SANBR: variants seen among roughly 807,000 people sequenced by gnomAD.
SANBR encodes SANT and BTB domain regulator of class switch recombination.
In SANBR, 77 loss-of-function variants were observed where a neutral mutation model predicts 101.8. The observed-to-expected ratio is 0.76, with a 90% CI of 0.63 to 0.91. The LOEUF is 0.91. Among genes scored for constraint, SANBR ranks in the 40% least tolerant of loss-of-function variants. The pLI, the probability that SANBR is intolerant of heterozygous loss-of-function variation, is 0.00. For synonymous variants in SANBR, 279 were observed against 274.7 expected (o/e 1.02, Z -0.15); for missense variants, 875 against 853.0 (o/e 1.03, Z -0.32).
chr2:61,109,406 A>T (rs563995367), intron 16 of SANBR, 110 bp downstream of exon 16: 1 of 521,228 alleles, frequency 1.9e-6, no homozygotes, highest in South Asian at 5.4e-5. Context: ...GTAGGTTGCA[A>T]CATAGAAAAA....
intron 16 of SANBR, among the ~76,000 whole-genome samples, chr2:61,113,956 G>A (rs1219783196): frequency 1.3e-5 from 2 of 152,100 alleles, no homozygotes; most frequent in African/African-American, 2.4e-5. Context: ...AATAGGTGTT[G>A]CATTTTATCA....
chr2:61,086,901 CAG>C (rs1471105340), intron 8 of SANBR, among the ~76,000 whole-genome samples: 1 of 152,000 alleles, frequency 6.6e-6, no homozygotes, highest in Non-Finnish European at 1.5e-5. Flanking sequence ...TAATTGAAAA[CAG>C]AAATGGAATT....
intron 20 of SANBR, among the ~76,000 whole-genome samples, chr2:61,119,086 C>T (rs747267521): frequency 7.2e-5 from 11 of 152,192 alleles, no homozygotes; most frequent in African/African-American, 9.6e-5. Flanking sequence ...TTTTCATCAA[C>T]TCTGCATGTA....
At chr2:61,109,423 A>G in intron 16 of SANBR, 127 bp downstream of exon 16, 1 of 467,924 alleles carries the variant, frequency 2.1e-6, no homozygotes. Flanking sequence ...AAAAAAATTG[A>G]AAGGAGACAC....
downstream of SANBR, among the ~76,000 whole-genome samples, chr2:61,126,691 A>G (rs1294750368): frequency 6.7e-6 from 1 of 150,222 alleles, no homozygotes; most frequent in Non-Finnish European, 1.5e-5. Flanking sequence ...AATCCCAGCT[A>G]CTTGGGAGGC....
intron 13 of SANBR, 27 bp downstream of exon 13, chr2:61,104,025 TA>T: frequency 6.3e-7 from 1 of 1,597,760 alleles, no homozygotes; most frequent in Non-Finnish European, 8.6e-7. Context: ...CCCAACACTG[TA>T]TTATAGCTTT....
intron 12 of SANBR, among the ~76,000 whole-genome samples, chr2:61,099,413 T>C (rs34600057): frequency 0.048 from 7,358 of 152,236 alleles, 247 homozygotes; most frequent in Non-Finnish European, 0.074. Context: ...CAGATTGTAT[T>C]ACAGAGGGAG....
At chr2:61,128,530 T>C (rs962248506), downstream of SANBR, among the ~76,000 whole-genome samples, 12 of 151,950 alleles carry the variant, frequency 7.9e-5, no homozygotes, top group Middle Eastern at 3.4e-3. Context: ...TTTGCTCTTC[T>C]TGCCCAGGCT....
At chr2:61,076,419 C>G (rs1438396815) in intron 5 of SANBR, among the ~76,000 whole-genome samples, 2 of 147,454 alleles carry the variant, frequency 1.4e-5, no homozygotes, top group African/African-American at 5.0e-5. Flanking sequence ...AGATTGAGAC[C>G]ATCCTGGCTA....
chr2:61,133,488 C>T (rs772362055), intron 20 of SANBR, among the ~76,000 whole-genome samples: 1 of 151,914 alleles, frequency 6.6e-6, no homozygotes, highest in African/African-American at 2.4e-5. Context: ...CATGGTGGCT[C>T]ATGCCTGTAA....
chr2:61,129,934 C>T (rs897152821), intron 20 of SANBR, among the ~76,000 whole-genome samples: 4 of 151,984 alleles, frequency 2.6e-5, no homozygotes, highest in African/African-American at 9.7e-5. Flanking sequence ...CAATGTGTTA[C>T]TGGGTTTGTA....
rs184343382 is a variant in SANBR, at chr2:61,095,110, G to A, written c.1212+2523G>A. On this transcript the variant is annotated intron_variant, in intron 11 of 21. Transcript: ENST00000402291. ...TCTCAGTAGCAATTGATATAGTCAG[G>A]TTTGGGTTTTTTGTTAATCTAATAG... Among the ~76,000 whole-genome samples, 33 of 152,282 alleles carry A rather than the reference G, an allele frequency of 2.2e-4. No individual in the cohort carries two copies. The Middle Eastern group carries it at 0.01, about 47-fold the overall frequency.
chr2:61,080,310 C>T (rs6743021), intron 6 of SANBR, among the ~76,000 whole-genome samples: 9,546 of 151,342 alleles, frequency 0.063, 1,041 homozygotes, highest in African/African-American at 0.22. Flanking sequence ...ACCAGGAAAA[C>T]TACCAAAATG....
At position 61,122,487 on chromosome 2, in the gene SANBR, A is replaced by AG. The variant is rs1289344217; in HGVS notation, c.*325_*326insG. The AG allele has an allele frequency of 4.8e-6, 5 of 1,043,616 alleles. No homozygotes were observed. The highest frequency in any genetic ancestry group is 4.6e-6 in the Non-Finnish European group (4 of 868,418). The allele number at this position is 1,043,616 out of a possible 1,614,324, so 64.6% of individuals were successfully genotyped here. On this transcript the variant is annotated 3_prime_UTR_variant, in exon 22 of 22. Transcript: ENST00000402291. ...GAAAGGCCTAAACTGTCAGGTAGCCAAGTTTTTTTAAGACCTTAAAAGTTA... is the reference window on the plus strand; with the variant it reads ...GAAAGGCCTAAACTGTCAGGTAGCCAGAGTTTTTTTAAGACCTTAAAAGTTA...
rs1484783978 is a variant in SANBR, at chr2:61,068,959, C to G, written c.-36C>G. ...TGACTCCAGAGTCTGCACACTTAAC[C>G]ACTCCACTATTCTGGCCTTCTACAA... On this transcript the variant is annotated 5_prime_UTR_variant, in exon 2 of 22. Transcript: ENST00000402291. 3 of 152,354 alleles carry G rather than the reference C, an allele frequency of 2.0e-5. 1 individual carries two copies. The highest frequency in any genetic ancestry group is 2.9e-5 in the Non-Finnish European group (2 of 68,050). The allele number at this position is 152,354 out of a possible 1,614,324, so 9.4% of individuals were successfully genotyped here.
At chr2:61,076,883 T>C in intron 5 of SANBR, 37 bp from the exon 6 acceptor site, 1 of 1,457,802 alleles carries the variant, frequency 6.9e-7, no homozygotes, top group Non-Finnish European at 9.6e-7. Context: ...TTTCTAAAAC[T>C]CTAATAATTT....
At chr2:61,083,379 G>A in intron 8 of SANBR, 65 bp downstream of exon 8, 1 of 1,008,162 alleles carries the variant, frequency 9.9e-7, no homozygotes, top group Non-Finnish European at 1.5e-6. Flanking sequence ...TCTATTTCAT[G>A]TGAGTGAAAT....
At chr2:61,119,371 A>G (rs1417853165) in intron 20 of SANBR, among the ~76,000 whole-genome samples, 1 of 152,228 alleles carries the variant, frequency 6.6e-6, no homozygotes, top group African/African-American at 2.4e-5. Context: ...TAAATGAAAA[A>G]TTGGACTTCA....
chr2:61,113,685 A>T (rs1477343856), intron 16 of SANBR, among the ~76,000 whole-genome samples: 1 of 152,166 alleles, frequency 6.6e-6, no homozygotes, highest in Non-Finnish European at 1.5e-5. Flanking sequence ...ACCTTGCTAA[A>T]TTCAGTTATT....
Sources: allele counts gnomAD v4.1 joint callset (sites outside exome capture counted in the v4.1 genomes callset), GRCh38; gene constraint gnomAD v4.1.1; transcripts MANE v1.5; gene names NCBI Gene and HGNC (gene_info 2026-07-23, HGNC 2026-07-21).